The following TLN2 variants were observed in gnomAD, a reference collection of about 807,000 sequenced individuals.
TLN2 encodes the protein talin 2.
Under a neutral mutation model 294.7 loss-of-function variants are expected in TLN2, and 118 were observed. That is an observed-to-expected ratio of 0.40 (90% CI 0.34 to 0.47). TLN2 has a LOEUF of 0.47. Among genes scored for constraint, TLN2 ranks in the 20% least tolerant of loss-of-function variants. The pLI is 0.84. For missense variants in TLN2, 3,083 were observed against 3,282.2 expected, an observed-to-expected ratio of 0.94 and a Z score of 1.48; for synonymous variants, 1,431 against 1,304.5, an observed-to-expected ratio of 1.10 and a Z score of -2.09.
At chr15:62,742,587 G>A (rs1445223103) in intron 32 of TLN2, among the ~76,000 whole-genome samples, 3 of 152,086 alleles carry the variant, frequency 2.0e-5, no homozygotes, top group African/African-American at 7.2e-5. Flanking sequence ...ATAGGTGCAG[G>A]CCCCCTGGTG....
chr15:62,762,141 G>T, intron 38 of TLN2, 131 bp from the exon 39 acceptor site: 2 of 1,108,214 alleles, frequency 1.8e-6, no homozygotes, highest in South Asian at 1.5e-5. Context: ...CAGTCTTCAT[G>T]GTTCCCTGCC....
chr15:62,508,078 C>A (rs1036659228), intron 1 of TLN2, among the ~76,000 whole-genome samples: 2 of 151,930 alleles, frequency 1.3e-5, no homozygotes, highest in African/African-American at 4.8e-5. Context: ...CAGTAGCTCT[C>A]TGAATAAGCC....
At chr15:62,681,553 T>A (rs1367800227) in intron 11 of TLN2, among the ~76,000 whole-genome samples, 1 of 152,162 alleles carries the variant, frequency 6.6e-6, no homozygotes, top group African/African-American at 2.4e-5. Context: ...TAATAGAGCG[T>A]GCTTGCATGT....
chr15:62,822,011 T>C (rs2067611089), intron 54 of TLN2, among the ~76,000 whole-genome samples: 1 of 152,226 alleles, frequency 6.6e-6, no homozygotes, highest in African/African-American at 2.4e-5. Context: ...GCCATGTCAG[T>C]TGACACATTC....
Position 62,733,718 on chromosome 15 carries a change from A to G in TLN2, c.3359-3160A>G, listed in dbSNP as rs531902613. ...TTGATATCACTTGATATGCCTGTAT[A>G]AGACTCTGTTACTAAGTATCATTTA... On this transcript the variant is annotated intron_variant, in intron 28 of 58. Transcript: ENST00000636159. Among the ~76,000 whole-genome samples the G allele has an allele frequency of 2.6e-5, 4 of 152,330 alleles. No individual in the cohort carries two copies. In the South Asian group the frequency reaches 6.2e-4, roughly 24 times the overall value.
intron 9 of TLN2, among the ~76,000 whole-genome samples, chr15:62,671,257 T>G (rs2055381824): frequency 6.6e-6 from 1 of 152,250 alleles, no homozygotes; most frequent in African/African-American, 2.4e-5. Flanking sequence ...GATGGTGGTA[T>G]CTGCAATTTA....
chr15:62,785,086 C>CT (rs1220691198), intron 45 of TLN2, among the ~76,000 whole-genome samples: 1 of 152,200 alleles, frequency 6.6e-6, no homozygotes, highest in Non-Finnish European at 1.5e-5. Context: ...ACTTAAGTCT[C>CT]TAACAGTGCC....
chr15:62,768,066 T>C (rs2063128049), intron 41 of TLN2, among the ~76,000 whole-genome samples: 1 of 152,184 alleles, frequency 6.6e-6, no homozygotes, highest in African/African-American at 2.4e-5. Flanking sequence ...AGAAGAGCCG[T>C]GGACTGGGAG....
At chr15:62,649,468 C>G (rs1194262861) in intron 4 of TLN2, among the ~76,000 whole-genome samples, 1 of 152,126 alleles carries the variant, frequency 6.6e-6, no homozygotes, top group African/African-American at 2.4e-5. Context: ...TCTCCTGCCA[C>G]CCCACCCCCT....
chr15:62,427,496 G>A (rs1317999710), intron 1 of TLN2, among the ~76,000 whole-genome samples: 1 of 152,180 alleles, frequency 6.6e-6, no homozygotes, highest in African/African-American at 2.4e-5. Flanking sequence ...GGCAACGGGA[G>A]GAGGGGGCGA....
intron 1 of TLN2, among the ~76,000 whole-genome samples, chr15:62,474,353 A>T (rs1468327763): frequency 6.6e-6 from 1 of 151,954 alleles, no homozygotes; most frequent in Admixed American, 6.5e-5. Context: ...AGAATAAGGG[A>T]TAATATGGGC....
At chr15:62,467,044 A>T (rs928411156) in intron 1 of TLN2, among the ~76,000 whole-genome samples, 3 of 152,168 alleles carry the variant, frequency 2.0e-5, no homozygotes, top group African/African-American at 7.2e-5. Context: ...ACCAAACTAA[A>T]CCTCCCTCGA....
intron 1 of TLN2, among the ~76,000 whole-genome samples, chr15:62,416,431 A>G (rs2034085387): frequency 6.6e-6 from 1 of 152,266 alleles, no homozygotes; most frequent in Non-Finnish European, 1.5e-5. Context: ...GATGTGTATC[A>G]CAGGCAATCT....
At chr15:62,393,508 C>G (rs2032271748) in intron 1 of TLN2, among the ~76,000 whole-genome samples, 1 of 152,092 alleles carries the variant, frequency 6.6e-6, no homozygotes, top group East Asian at 1.9e-4. Context: ...CAAAATTAAC[C>G]TGATTTCCCC....
chr15:62,710,458 G>A (rs1420510219), intron 21 of TLN2, among the ~76,000 whole-genome samples: 2 of 152,050 alleles, frequency 1.3e-5, no homozygotes, highest in African/African-American at 2.4e-5. Flanking sequence ...TAACAAGATA[G>A]GAATGCTTCA....
chr15:62,740,511 T>G, intron 31 of TLN2, 119 bp from the exon 32 acceptor site: 2 of 1,381,312 alleles, frequency 1.4e-6, no homozygotes, highest in Non-Finnish European at 2.0e-6. Flanking sequence ...GCTAACTGGG[T>G]TTAATGTGAT....
At chr15:62,761,653 G>T (rs1345218621) in intron 37 of TLN2, 28 bp from the exon 38 acceptor site, 1 of 1,613,654 alleles carries the variant, frequency 6.2e-7, no homozygotes, top group Admixed American at 1.7e-5. Context: ...TCTCAATTGG[G>T]CAGAATCTCC....
Position 62,783,741 on chromosome 15 carries a change from G to A in TLN2, c.5617-30G>A, listed in dbSNP as rs756529285. 5 of 1,556,130 alleles carry A rather than the reference G, an allele frequency of 3.2e-6. No individual in the cohort carries two copies. In the African/African-American group the frequency reaches 6.8e-5, roughly 21 times the overall value. On this transcript the variant is annotated intron_variant, in intron 44 of 58. Coordinates refer to ENST00000636159, the MANE Select transcript of TLN2 (RefSeq NM_015059.3). Reference sequence around the variant, plus strand: ...TCTCTCTGTGTGTGTGTGTGTGTGTGTGTGTGTCTTGCTTGTTTTCTTTTT... The same window carrying A: ...TCTCTCTGTGTGTGTGTGTGTGTGTATGTGTGTCTTGCTTGTTTTCTTTTT...
Position 62,647,387 on chromosome 15 carries a change from C to T in TLN2, c.77C>T (p.Ala26Val), listed in dbSNP as rs759982549. 3.7e-6 allele frequency: 6 copies of T among 1,614,088 alleles called. No individual in the cohort carries two copies. The highest frequency in any genetic ancestry group is 1.3e-5 in the African/African-American group (1 of 74,926). ...ACCATGCAGTTTGAACCATCTACAG[C>T]TGTGTACGATGCGTGTCGAGTCATT... is the stretch of plus-strand genomic sequence containing the variant. ...VKTMQFEPST[A>V]VYDACRVIRE... is the part of the protein sequence containing the mutation. Residue 26 changes from alanine (A) to valine (V), a missense_variant, in exon 4 of 59, where the codon GCT becomes GTT. Ala to Val is a moderately conservative substitution (Grantham distance 64, BLOSUM62 0). Transcript: ENST00000636159.
Sources: gnomAD v4.1 joint callset for allele counts (sites outside exome capture counted in the v4.1 genomes callset) on GRCh38, gnomAD v4.1.1 for gene constraint, MANE v1.5 for transcripts, NCBI Gene and HGNC (gene_info 2026-07-23, HGNC 2026-07-21) for gene names.